The following SPATA6 variants were observed in gnomAD, a reference collection of about 807,000 sequenced individuals.
The protein encoded by SPATA6 is spermatogenesis associated 6, also known as spermatogenesis-associated protein 6.
A neutral mutation model predicts 65.3 loss-of-function variants in SPATA6; 56 were observed. The ratio of observed to expected loss-of-function variants is 0.86; its 90% CI spans 0.69 to 1.07. SPATA6 has a LOEUF of 1.07. Among genes scored for constraint, SPATA6 ranks in the 50% least tolerant of loss-of-function variants. SPATA6 has a pLI of 0.00. For missense variants in SPATA6, 590 were observed against 594.8 expected (o/e 0.99, Z 0.08); for synonymous variants, 199 against 213.2 (o/e 0.93, Z 0.58).
At chr1:48,369,759 C>T (rs1028924199) in intron 9 of SPATA6, among the ~76,000 whole-genome samples, 11 of 152,228 alleles carry the variant, frequency 7.2e-5, no homozygotes, top group African/African-American at 2.4e-4. Context: ...CCTGCTTTGG[C>T]TTGCGCATGG....
In SPATA6 at chr1:48,297,124, A is replaced by AGGTGTGTG. The variant is rs1644826675; in HGVS notation, c.*1581_*1588dup. Reference sequence around the variant, plus strand: ...ATAATCCTACATATGACTCTCTAAGAGGTGTGTGTGTGTGTGTGTGTGTGT... The same window carrying AGGTGTGTG: ...ATAATCCTACATATGACTCTCTAAGAGGTGTGTGGGTGTGTGTGTGTGTGTGTGTGTGT... On this transcript the variant is annotated 3_prime_UTR_variant, in exon 13 of 13. Transcript: ENST00000371847. 1 of 102,802 alleles carries AGGTGTGTG rather than the reference A, an allele frequency of 9.7e-6. No homozygotes were observed. The highest frequency in any genetic ancestry group is 4.2e-5 in the African/African-American group (1 of 24,072). The allele number at this position is 102,802 out of a possible 1,614,324, so 6.4% of individuals were successfully genotyped here.
At chr1:48,274,910 A>G in the SPATA6 span, among the ~76,000 whole-genome samples, 1 of 152,192 alleles carries the variant, frequency 6.6e-6, no homozygotes, top group Non-Finnish European at 1.5e-5. Context: ...ATAGCATCGA[A>G]TCTATAAATT....
chr1:48,401,965 A>T (rs1345941183), intron 6 of SPATA6, among the ~76,000 whole-genome samples: 1 of 152,184 alleles, frequency 6.6e-6, no homozygotes, highest in Non-Finnish European at 1.5e-5. Context: ...AAACATTTTA[A>T]TAATGTTACA....
intron 3 of SPATA6, among the ~76,000 whole-genome samples, chr1:48,442,454 A>T (rs1309685723): frequency 2.0e-5 from 3 of 152,056 alleles, no homozygotes; most frequent in Admixed American, 2.0e-4. Context: ...GAAGCCATCA[A>T]AAAAGGGAAG....
chr1:48,323,913 A>G (rs1328279698), intron 11 of SPATA6, among the ~76,000 whole-genome samples: 1 of 152,162 alleles, frequency 6.6e-6, no homozygotes, highest in Non-Finnish European at 1.5e-5. Context: ...AAATAATTTT[A>G]TCAAACATTT....
downstream of SPATA6, among the ~76,000 whole-genome samples, chr1:48,292,631 C>T (rs1461402327): frequency 6.6e-6 from 1 of 152,202 alleles, no homozygotes; most frequent in African/African-American, 2.4e-5. Flanking sequence ...GCAGTGCAAA[C>T]CACCAGTGAG....
In SPATA6 at chr1:48,372,154, C is replaced by T. The variant is rs1647349400; in HGVS notation, c.910-12384G>A. On this transcript the variant is annotated intron_variant, in intron 9 of 12. Coordinates refer to ENST00000371847, the MANE Select transcript of SPATA6 (RefSeq NM_019073.4). ...AAGTCCGAACTCATTTTAGCATTAA[C>T]CCAAAAGTCCACAGTCCAAAGTCTC... 2.6e-5 allele frequency among the ~76,000 whole-genome samples: 4 copies of T among 152,140 alleles called. No homozygotes were observed. The South Asian group carries it at 8.3e-4, about 31-fold the overall frequency.
intron 3 of SPATA6, 23 bp downstream of exon 3, chr1:48,451,529 A>C: frequency 6.3e-7 from 1 of 1,595,882 alleles, no homozygotes. Flanking sequence ...TAGAATCAGG[A>C]ATTAAAAAGT....
At chr1:48,462,963 T>G (rs1163702812) in intron 1 of SPATA6, among the ~76,000 whole-genome samples, 1 of 152,112 alleles carries the variant, frequency 6.6e-6, no homozygotes. Flanking sequence ...GAACAAAAGG[T>G]CAGATTAAGG....
At chr1:48,268,265 T>C in the SPATA6 span, among the ~76,000 whole-genome samples, 2 of 152,014 alleles carry the variant, frequency 1.3e-5, no homozygotes, top group Non-Finnish European at 2.9e-5. Flanking sequence ...CTAGGCATTC[T>C]TTTAAGCACT....
At chr1:48,287,579 G>C in the SPATA6 span, among the ~76,000 whole-genome samples, 1 of 151,994 alleles carries the variant, frequency 6.6e-6, no homozygotes, top group African/African-American at 2.4e-5. Context: ...ATGAGATCTG[G>C]CTGTTTAAAA....
At chr1:48,400,847 C>A in intron 6 of SPATA6, 1 of 1,264,876 alleles carries the variant, frequency 7.9e-7, no homozygotes. Context: ...CCACCTTGTT[C>A]AATGATTTCA....
At chr1:48,411,666 C>T in intron 4 of SPATA6, 78 bp from the exon 5 acceptor site, 1 of 1,251,610 alleles carries the variant, frequency 8.0e-7, no homozygotes, top group Non-Finnish European at 1.0e-6. Flanking sequence ...TATGATATAT[C>T]TACTGCCTGA....
chr1:48,279,448 A>G, the SPATA6 span, among the ~76,000 whole-genome samples: 1 of 152,234 alleles, frequency 6.6e-6, no homozygotes. Context: ...TCTCATGTGC[A>G]GAGAAACACA....
chr1:48,359,219 C>A (rs1199888998), intron 10 of SPATA6, among the ~76,000 whole-genome samples: 3 of 152,030 alleles, frequency 2.0e-5, no homozygotes, highest in Admixed American at 1.3e-4. Flanking sequence ...ATATAGATAG[C>A]CATTATGACT....
At chr1:48,265,252 T>A in the SPATA6 span, among the ~76,000 whole-genome samples, 268 of 151,922 alleles carry the variant, frequency 1.8e-3, no homozygotes, top group African/African-American at 5.8e-3. Context: ...ACATCTTATT[T>A]ATTTTATTTT....
chr1:48,295,577 G>A lies in SPATA6; in HGVS notation c.*3136C>T, dbSNP rs1644799953. 6.6e-6 allele frequency: 1 copy of A among 152,204 alleles called. No individual in the cohort carries two copies. The highest frequency in any genetic ancestry group is 1.5e-5 in the Non-Finnish European group (1 of 68,032). 9.4% of individuals were successfully genotyped at this position (152,204 alleles called of 1,614,324 possible). On this transcript the variant is annotated 3_prime_UTR_variant, in exon 13 of 13. Coordinates refer to ENST00000371847, the MANE Select transcript of SPATA6 (RefSeq NM_019073.4). ...TATAGTGGTTTCCAGGAGTTGTGGG[G>A]AGGAGGTAGTGGGAAGTGATCACTA... is the stretch of plus-strand genomic sequence containing the variant.
At chr1:48,283,645 A>G in the SPATA6 span, among the ~76,000 whole-genome samples, 4 of 134,260 alleles carry the variant, frequency 3.0e-5, no homozygotes, top group Non-Finnish European at 6.4e-5. Flanking sequence ...CGCCACTGCA[A>G]TCTAGCCTGG....
chr1:48,470,546 G>C (rs954858123), intron 1 of SPATA6, among the ~76,000 whole-genome samples: 2 of 152,152 alleles, frequency 1.3e-5, no homozygotes, highest in Non-Finnish European at 1.5e-5. Context: ...TGAAGATAAA[G>C]GGAGAGTCCA....
Sources: allele counts gnomAD v4.1 joint callset (sites outside exome capture counted in the v4.1 genomes callset), GRCh38; gene constraint gnomAD v4.1.1; transcripts MANE v1.5; gene names NCBI Gene and HGNC (gene_info 2026-07-23, HGNC 2026-07-21).